CYP20A1: variants seen among roughly 807,000 people sequenced by gnomAD.
CYP20A1 encodes cytochrome P450 family 20 subfamily A member 1.
A neutral mutation model predicts 61.4 loss-of-function variants in CYP20A1; 61 were observed. The observed-to-expected ratio is 0.99, with a 90% confidence interval of 0.81 to 1.23. CYP20A1 has a LOEUF of 1.23. Ranked by LOEUF, CYP20A1 falls within the 50% of genes most tolerant of loss-of-function variation. The pLI is 0.00. For missense variants in CYP20A1, 530 were observed against 542.4 expected (o/e 0.98, Z 0.23); for synonymous variants, 193 against 188.2 (o/e 1.03, Z -0.21).
intron 5 of CYP20A1, among the ~76,000 whole-genome samples, chr2:203,270,146 A>G (rs922249670): frequency 1.3e-5 from 2 of 151,956 alleles, no homozygotes; most frequent in East Asian, 1.9e-4. Context: ...TTTAGTCCCA[A>G]CTGCTTGTGA....
At chr2:203,294,160 A>T (rs1238726630) in intron 11 of CYP20A1, among the ~76,000 whole-genome samples, 1 of 151,802 alleles carries the variant, frequency 6.6e-6, no homozygotes, top group African/African-American at 2.4e-5. Flanking sequence ...AATTTTTTTT[A>T]ATTTTTAATT....
chr2:203,303,225 G>A lies in CYP20A1; in HGVS notation c.*6317G>A. On this transcript the variant is annotated 3_prime_UTR_variant, in exon 13 of 13. Coordinates refer to ENST00000356079, the MANE Select transcript of CYP20A1 (RefSeq NM_177538.3). ...TCACCATGTTGGCCAGGCTGGTCTT[G>A]AACTCCTAACCTCAGGTGATTCACA... Among the ~76,000 whole-genome samples the A allele has an allele frequency of 6.7e-6, 1 of 148,982 alleles. No individual in the cohort carries two copies. Among genetic ancestry groups the A allele is most frequent in the East Asian group, 2.0e-4 (1 of 4,922 alleles).
intron 4 of CYP20A1, among the ~76,000 whole-genome samples, chr2:203,256,142 A>T (rs1348291283): frequency 2.8e-5 from 3 of 106,272 alleles, no homozygotes; most frequent in African/African-American, 1.0e-4. Flanking sequence ...TGTTTTTAAA[A>T]TTTTTTGTAA....
intron 11 of CYP20A1, among the ~76,000 whole-genome samples, chr2:203,295,955 GA>G (rs1338738037): frequency 6.7e-6 from 1 of 148,596 alleles, no homozygotes. Context: ...CTCAAAAAAA[GA>G]AAAAAAAAGA....
rs1419238856 is a variant in CYP20A1, at chr2:203,299,779, C to T, written c.*2871C>T. On this transcript the variant is annotated 3_prime_UTR_variant, in exon 13 of 13. Transcript: ENST00000356079. Reference sequence around the variant, plus strand: ...ATACCAGCTACTCGGGAGGCTGAAGCAGGAGAACTGCTTGAACCTGGGAGG... The same window carrying T: ...ATACCAGCTACTCGGGAGGCTGAAGTAGGAGAACTGCTTGAACCTGGGAGG... Among the ~76,000 whole-genome samples the T allele has an allele frequency of 1.3e-5, 2 of 151,962 alleles. No individual in the cohort carries two copies. Among genetic ancestry groups the T allele is most frequent in the African/African-American group, 2.4e-5 (1 of 41,388 alleles).
At chr2:203,263,580 TC>T (rs2067221701) in intron 4 of CYP20A1, among the ~76,000 whole-genome samples, 2 of 152,116 alleles carry the variant, frequency 1.3e-5, no homozygotes, top group Non-Finnish European at 2.9e-5. Flanking sequence ...GAGCCACCGC[TC>T]CCGGCCCGTA....
rs775461971 is a variant in CYP20A1 at position 203,285,762 on chromosome 2, T to C, written c.971+30T>C. 6 of 1,509,296 alleles carry C rather than the reference T, an allele frequency of 4.0e-6. No individual in the cohort carries two copies. In the South Asian group the frequency reaches 8.5e-5, roughly 21 times the overall value. The allele number at this position is 1,509,296 out of a possible 1,614,324, so 93.5% of individuals were successfully genotyped here. ...GAACACAATAAAAAGAGGAGATTAT[T>C]AAAAGGTAAATTTGAACTGGTTTAT... On this transcript the variant is annotated intron_variant, in intron 9 of 12. Transcript: ENST00000356079.
intron 11 of CYP20A1, among the ~76,000 whole-genome samples, chr2:203,295,729 C>T (rs977348343): frequency 3.3e-5 from 5 of 152,140 alleles, no homozygotes; most frequent in African/African-American, 7.2e-5. Flanking sequence ...AGGTGGATCA[C>T]GACGAGGTCA....
At chr2:203,266,471 AAAG>A in intron 4 of CYP20A1, 40 bp from the exon 5 acceptor site, 1 of 1,557,642 alleles carries the variant, frequency 6.4e-7, no homozygotes, top group Non-Finnish European at 8.8e-7. Flanking sequence ...TGAGATTTAG[AAAG>A]AAGAAACAGT....
intron 1 of CYP20A1, among the ~76,000 whole-genome samples, chr2:203,244,975 G>T (rs2066407827): frequency 6.7e-6 from 1 of 149,950 alleles, no homozygotes. Context: ...CTCGTGATCC[G>T]CCTGCCTCGG....
intron 7 of CYP20A1, among the ~76,000 whole-genome samples, chr2:203,279,310 T>G (rs1333337518): frequency 1.3e-5 from 2 of 152,212 alleles, no homozygotes; most frequent in Admixed American, 6.5e-5. Flanking sequence ...TACAAGTACT[T>G]GGTCTCTATT....
At chr2:203,283,653 A>G (rs1323580311) in intron 8 of CYP20A1, among the ~76,000 whole-genome samples, 2 of 150,954 alleles carry the variant, frequency 1.3e-5, no homozygotes, top group African/African-American at 4.9e-5. Flanking sequence ...GGTTCAAGCA[A>G]TTCTCCTGCC....
intron 11 of CYP20A1, among the ~76,000 whole-genome samples, chr2:203,294,739 A>T (rs991485003): frequency 1.3e-5 from 2 of 150,126 alleles, no homozygotes; most frequent in Non-Finnish European, 3.0e-5. Flanking sequence ...GGTTCAAGCG[A>T]TTCTCCTGCC....
Position 203,270,167 on chromosome 2 carries a change from A to G in CYP20A1, c.601-2503A>G, listed in dbSNP as rs564680839. Reference sequence around the variant, plus strand: ...CCCAACTGCTTGTGAGGCTGAGGCCAGAGGATTGCTTGAGCCCAGAAGGTG... The same window carrying G: ...CCCAACTGCTTGTGAGGCTGAGGCCGGAGGATTGCTTGAGCCCAGAAGGTG... On this transcript the variant is annotated intron_variant, in intron 5 of 12. Coordinates refer to ENST00000356079, the MANE Select transcript of CYP20A1 (RefSeq NM_177538.3). Among the ~76,000 whole-genome samples the G allele has an allele frequency of 2.6e-5, 4 of 152,124 alleles. No individual in the cohort carries two copies. The East Asian group carries it at 7.7e-4, about 29-fold the overall frequency.
intron 1 of CYP20A1, among the ~76,000 whole-genome samples, chr2:203,241,395 T>C (rs1278258139): frequency 1.3e-5 from 2 of 152,174 alleles, no homozygotes; most frequent in African/African-American, 2.4e-5. Flanking sequence ...TATCAATGTA[T>C]AGATGGTATT....
At chr2:203,278,806 A>C in intron 7 of CYP20A1, 118 bp downstream of exon 7, 1 of 579,190 alleles carries the variant, frequency 1.7e-6, no homozygotes, top group Non-Finnish European at 3.0e-6. Context: ...CTTGAACCCA[A>C]GAGATCAAGG....
At chr2:203,277,481 G>C (rs376481169) in intron 6 of CYP20A1, among the ~76,000 whole-genome samples, 10 of 151,854 alleles carry the variant, frequency 6.6e-5, no homozygotes, top group Middle Eastern at 3.2e-3. Context: ...ATCAGTTATT[G>C]ATATCTTTTA....
intron 8 of CYP20A1, among the ~76,000 whole-genome samples, chr2:203,285,087 G>A (rs985227405): frequency 6.6e-6 from 1 of 151,972 alleles, no homozygotes; most frequent in African/African-American, 2.4e-5. Flanking sequence ...GTTGAGAACT[G>A]TTCTAAGCAA....
chr2:203,286,483 G>T (rs2068277597), intron 9 of CYP20A1, among the ~76,000 whole-genome samples: 3 of 151,826 alleles, frequency 2.0e-5, no homozygotes, highest in Admixed American at 2.0e-4. Flanking sequence ...ACAAATTGTG[G>T]TATTACCATA....
Sources: allele counts gnomAD v4.1 joint callset (sites outside exome capture counted in the v4.1 genomes callset), GRCh38; gene constraint gnomAD v4.1.1; transcripts MANE v1.5; gene names NCBI Gene and HGNC (gene_info 2026-07-23, HGNC 2026-07-21).